The following ZNF77 variants were observed in gnomAD, a reference collection of about 807,000 sequenced individuals.
The protein encoded by ZNF77 is ZNFpT1.
Under a neutral mutation model 13.5 loss-of-function variants are expected in ZNF77, and 15 were observed. The observed-to-expected ratio is 1.11, with a 90% CI of 0.74 to 1.71. The LOEUF (loss-of-function observed/expected upper bound fraction) is 1.71, where lower values mean the gene tolerates loss of function less well. ZNF77 is among the 40% of genes most tolerant of loss of function. The pLI is 0.00. For missense variants in ZNF77, 717 were observed against 676.4 expected (o/e 1.06, Z -0.67); for synonymous variants, 282 against 250.0 (o/e 1.13, Z -1.21).
intron 2 of ZNF77, among the ~76,000 whole-genome samples, chr19:2,938,895 G>A (rs1257021041): frequency 6.6e-6 from 1 of 151,892 alleles, no homozygotes; most frequent in Non-Finnish European, 1.5e-5. Context: ...GGCGGAGCTT[G>A]CAGTGAGCCG....
At chr19:2,935,496 A>ATTT (rs58809442) in intron 3 of ZNF77, among the ~76,000 whole-genome samples, 1 of 138,286 alleles carries the variant, frequency 7.2e-6, no homozygotes, top group Non-Finnish European at 1.5e-5. Context: ...TCTTTTTCGT[A>ATTT]TTTTTTTTTT....
chr19:2,940,678 G>GA (rs71179936), intron 1 of ZNF77, among the ~76,000 whole-genome samples: 55 of 114,600 alleles, frequency 4.8e-4, no homozygotes, highest in South Asian at 2.0e-3. Flanking sequence ...TCACAAAAAA[G>GA]AAAAAAAAAA....
Position 2,944,938 on chromosome 19 carries a change from G to T in ZNF77, c.-98C>A. On this transcript the variant is annotated 5_prime_UTR_variant, in exon 1 of 4. Transcript: ENST00000314531. ...GACACCTGAGCCGCTCGGGGTAGGC[G>T]GGGAAGCGCGCAAGGCAGAGGGGAA... 4.2e-6 allele frequency: 6 copies of T among 1,428,484 alleles called. No individual in the cohort carries two copies. Among genetic ancestry groups the T allele is most frequent in the Non-Finnish European group, 5.5e-6 (6 of 1,085,326 alleles). 88.5% of individuals were successfully genotyped at this position (1,428,484 alleles called of 1,614,324 possible). A position where few individuals can be genotyped will look rare whatever the true frequency, so the allele number is the denominator to read the frequency against.
At chr19:2,944,755 T>C in intron 1 of ZNF77, 83 bp downstream of exon 1, 5 of 1,460,432 alleles carry the variant, frequency 3.4e-6, no homozygotes, top group Non-Finnish European at 3.6e-6. Context: ...CTCAGCTTTC[T>C]CCGGCTGCGA....
intron 1 of ZNF77, 39 bp from the exon 2 acceptor site, chr19:2,939,446 G>A (rs201084592): frequency 3.1e-6 from 5 of 1,608,094 alleles, no homozygotes; most frequent in African/African-American, 1.3e-5. Context: ...CAAAGGCACC[G>A]CCTCCCCCAT....
At chr19:2,939,007 A>ATG (rs1447613581) in intron 2 of ZNF77, among the ~76,000 whole-genome samples, 16 of 151,644 alleles carry the variant, frequency 1.1e-4, no homozygotes, top group African/African-American at 3.4e-4. Flanking sequence ...GCTCTCCAGG[A>ATG]CGCAGTGAGG....
rs1568191778 is a variant in ZNF77, at chr19:2,934,645, T to G, written c.482A>C (p.Gln161Pro). 1 of 1,614,214 alleles carries G rather than the reference T, an allele frequency of 6.2e-7. No individual in the cohort carries two copies. Residue 161 changes from glutamine to proline, a missense_variant, in exon 4 of 4, where the codon CAG becomes CCG. Physicochemically the swap from Gln to Pro is moderately conservative, Grantham distance 76. Transcript: ENST00000314531. The part of the protein sequence containing the change: ...FENRQRSHTG[Q>P]RPCKECGQAC... ...TTGCCCACATTCCTTACACGGTCTC[T>G]GTCCAGTGTGAGATCTCTGCCGATT...
At chr19:2,940,329 C>G (rs943577074) in intron 1 of ZNF77, among the ~76,000 whole-genome samples, 1 of 151,624 alleles carries the variant, frequency 6.6e-6, no homozygotes, top group African/African-American at 2.4e-5. Context: ...TTCGAGATCA[C>G]CCTGGACAAC....
chr19:2,944,294 C>A (rs1205084407), intron 1 of ZNF77, among the ~76,000 whole-genome samples: 1 of 146,180 alleles, frequency 6.8e-6, no homozygotes, highest in African/African-American at 2.6e-5. Flanking sequence ...AAACTCCCGA[C>A]TGCAGCTACT....
chr19:2,937,885 T>C (rs1037150065), intron 2 of ZNF77, among the ~76,000 whole-genome samples: 3 of 151,994 alleles, frequency 2.0e-5, no homozygotes, highest in Admixed American at 1.3e-4. Context: ...GCCTCCCGAG[T>C]AGCTGGGATT....
At position 2,933,917 on chromosome 19, in the gene ZNF77, C is replaced by G. The variant is rs745703143; in HGVS notation, c.1210G>C (p.Gly404Arg). Residue 404 changes from glycine to arginine, a missense_variant, in exon 4 of 4, where the codon GGG becomes CGG. Coordinates refer to ENST00000314531, the MANE Select transcript of ZNF77 (RefSeq NM_021217.3). ...TCTTTACATTGATAGGGCTTCACCC[C>G]GCTGTGTGTTTTCACATGTCTTCTA... ...YFRRHVKTHS[G>R]VKPYQCKECG... is the part of the protein sequence containing the mutation. 1 of 1,613,652 alleles carries G rather than the reference C, an allele frequency of 6.2e-7. No homozygotes were observed. The highest frequency in any genetic ancestry group is 1.7e-5 in the Admixed American group (1 of 59,928).
At chr19:2,939,461 G>T in intron 1 of ZNF77, 54 bp from the exon 2 acceptor site, 1 of 1,600,154 alleles carries the variant, frequency 6.2e-7, no homozygotes, top group South Asian at 1.1e-5. Context: ...CCCCATGTGC[G>T]CAGGAAGAGG....
chr19:2,935,923 G>C (rs1262603736), intron 3 of ZNF77, among the ~76,000 whole-genome samples: 3 of 151,918 alleles, frequency 2.0e-5, no homozygotes, highest in Non-Finnish European at 4.4e-5. Context: ...GGATGAGGTG[G>C]GAGGATTGCT....
chr19:2,942,260 C>A (rs573779975), intron 1 of ZNF77, among the ~76,000 whole-genome samples: 5 of 151,696 alleles, frequency 3.3e-5, no homozygotes. Context: ...TTAGTAGAGA[C>A]GGGGTTTCCC....
At chr19:2,944,366 C>T (rs2088477878) in intron 1 of ZNF77, among the ~76,000 whole-genome samples, 1 of 148,800 alleles carries the variant, frequency 6.7e-6, no homozygotes, top group African/African-American at 2.5e-5. Flanking sequence ...CCTTCAAACC[C>T]ATGACCGCCT....
intron 1 of ZNF77, among the ~76,000 whole-genome samples, chr19:2,942,112 C>T (rs1229446821): frequency 2.0e-5 from 3 of 151,134 alleles, no homozygotes; most frequent in Admixed American, 2.0e-4. Context: ...TGCTCCGTCT[C>T]CCAGGCTGGA....
At position 2,933,732 on chromosome 19, in the gene ZNF77, T is replaced by C; in HGVS notation, c.1395A>G (p.Glu465=). Residue 465 remains glutamate (E), a synonymous_variant, in exon 4 of 4, where the codon GAA becomes GAG. Coordinates refer to ENST00000314531, the MANE Select transcript of ZNF77 (RefSeq NM_021217.3). ...VRTHSGEKPY[E]CNQCGKAFSH... ...TGAAGGCTTTCCCACATTGATTACA[T>C]TCGTACGGTTTCTCTCCGCTGTGGG... 1.2e-6 allele frequency: 2 copies of C among 1,612,418 alleles called. No homozygotes were observed. Among genetic ancestry groups the C allele is most frequent in the African/African-American group, 1.3e-5 (1 of 75,006 alleles).
At chr19:2,940,361 C>CAA (rs796810962) in intron 1 of ZNF77, among the ~76,000 whole-genome samples, 4 of 139,884 alleles carry the variant, frequency 2.9e-5, no homozygotes, top group Non-Finnish European at 4.7e-5. Context: ...CTGTCTCTAC[C>CAA]AAAAAAAAAA....
At chr19:2,944,123 C>T (rs1050913387) in intron 1 of ZNF77, among the ~76,000 whole-genome samples, 1 of 151,782 alleles carries the variant, frequency 6.6e-6, no homozygotes, top group African/African-American at 2.4e-5. Context: ...CCCACTCTCC[C>T]CGATCCCCTG....
Sources: gnomAD v4.1 joint callset for allele counts (sites outside exome capture counted in the v4.1 genomes callset) on GRCh38, gnomAD v4.1.1 for gene constraint, MANE v1.5 for transcripts, NCBI Gene and HGNC (gene_info 2026-07-23, HGNC 2026-07-21) for gene names.